The following SLC25A18 variants were observed in gnomAD, a reference collection of about 807,000 sequenced individuals.
SLC25A18 encodes the protein solute carrier family 25 member 18, also known as mitochondrial glutamate carrier 2.
A neutral mutation model predicts 31.1 loss-of-function variants in SLC25A18; 24 were observed. The observed-to-expected ratio is 0.77, with a 90% confidence interval of 0.56 to 1.08. SLC25A18 has a LOEUF of 1.08. SLC25A18 is among the 50% of genes least tolerant of loss of function. The probability of loss-of-function intolerance (pLI) is 0.00; values close to 1 mark genes in which losing one functional copy is unlikely to be tolerated. For missense variants in SLC25A18, 371 were observed against 418.5 expected (o/e 0.89, Z 0.99); for synonymous variants, 173 against 161.9 (o/e 1.07, Z -0.52).
At chr22:17,570,950 G>A (rs536062253) in intron 2 of SLC25A18, among the ~76,000 whole-genome samples, 3 of 152,356 alleles carry the variant, frequency 2.0e-5, no homozygotes, top group African/African-American at 4.8e-5. Flanking sequence ...AGGAGGTGAC[G>A]TCTGAGCTGA....
intron 10 of SLC25A18, 145 bp downstream of exon 10, chr22:17,589,810 A>G (rs1321890337): frequency 3.7e-6 from 3 of 809,950 alleles, no homozygotes; most frequent in East Asian, 5.3e-5. Flanking sequence ...CAAAGAAAAC[A>G]GAATGTACTG....
intron 2 of SLC25A18, among the ~76,000 whole-genome samples, chr22:17,578,754 G>T (rs555267656): frequency 6.6e-6 from 1 of 152,138 alleles, no homozygotes; most frequent in Non-Finnish European, 1.5e-5. Context: ...ACAAAAATTC[G>T]CCCGGTGTGG....
intron 1 of SLC25A18, among the ~76,000 whole-genome samples, chr22:17,564,317 A>G (rs114217854): frequency 0.011 from 1,608 of 152,266 alleles, 28 homozygotes; most frequent in African/African-American, 0.037. Flanking sequence ...TCATCTGGGA[A>G]CTTGCTGGAA....
At chr22:17,586,727 C>T (rs866583704) in intron 7 of SLC25A18, among the ~76,000 whole-genome samples, 3 of 152,098 alleles carry the variant, frequency 2.0e-5, no homozygotes, top group African/African-American at 7.2e-5. Context: ...TGCAGTGAGC[C>T]GAGATCGCAC....
At chr22:17,573,539 G>A (rs1019015836) in intron 2 of SLC25A18, among the ~76,000 whole-genome samples, 1 of 152,152 alleles carries the variant, frequency 6.6e-6, no homozygotes, top group African/African-American at 2.4e-5. Context: ...GGCCAGCCAC[G>A]GCAGCATGGT....
chr22:17,580,828 TC>T (rs2057351797), intron 3 of SLC25A18: 2 of 1,313,620 alleles, frequency 1.5e-6, no homozygotes, highest in Non-Finnish European at 9.7e-7. Context: ...TCCAGGGACT[TC>T]CCGGGTTGCA....
chr22:17,570,550 TGG>T (rs2057059108), intron 2 of SLC25A18, among the ~76,000 whole-genome samples: 1 of 152,250 alleles, frequency 6.6e-6, no homozygotes, highest in Non-Finnish European at 1.5e-5. Context: ...TGTGGCATGA[TGG>T]CGGCTCACCG....
Position 17,587,966 on chromosome 22 carries a change from A to T in SLC25A18, c.617A>T (p.Asn206Ile). The change falls in exon 9 of 11, where the codon AAC becomes ATC. Residue 206 changes from asparagine to isoleucine, a missense_variant. Transcript: ENST00000327451. ...FSIIYFPLFA[N>I]LNNLGFNELA... ...ATCATCTACTTCCCACTGTTTGCCA[A>T]CCTTAACAACCTGGGGTTCAACGAG... is the stretch of plus-strand genomic sequence containing the variant. 1.9e-6 allele frequency: 3 copies of T among 1,614,094 alleles called. No homozygotes were observed. Among genetic ancestry groups the T allele is most frequent in the Non-Finnish European group, 1.7e-6 (2 of 1,180,018 alleles).
intron 2 of SLC25A18, 108 bp downstream of exon 2, chr22:17,570,094 C>A: frequency 1.3e-6 from 1 of 770,640 alleles, no homozygotes; most frequent in Non-Finnish European, 1.6e-6. Flanking sequence ...GACAGGGACA[C>A]TCATCCCATT....
chr22:17,574,907 A>G (rs2057195219), intron 2 of SLC25A18, among the ~76,000 whole-genome samples: 1 of 150,418 alleles, frequency 6.6e-6, no homozygotes, highest in African/African-American at 2.5e-5. Context: ...GCTAGAGTGC[A>G]GTGGTGCGAT....
rs371516757 is a variant in SLC25A18, at chr22:17,588,025, G to T, written c.676G>T (p.Val226Leu). 1.2e-6 allele frequency: 2 copies of T among 1,614,034 alleles called. No individual in the cohort carries two copies. Among genetic ancestry groups the T allele is most frequent in the African/African-American group, 2.7e-5 (2 of 74,900 alleles). The stretch of plus-strand genomic sequence containing the variant: ...TAAGGCGTCCTTTGCACATTCCTTC[G>T]TGTCAGGCTGTGTGGCAGGTTCCAT... ...AGKASFAHSF[V>L]SGCVAGSIAA... The change falls in exon 9 of 11, where the codon GTG becomes TTG. Residue 226 changes from valine (V) to leucine (L), a missense_variant. Val to Leu is a conservative substitution (Grantham distance 32, BLOSUM62 1). Transcript: ENST00000327451.
chr22:17,584,920 GT>G (rs1037542166), intron 7 of SLC25A18, among the ~76,000 whole-genome samples: 1 of 149,410 alleles, frequency 6.7e-6, no homozygotes, highest in Non-Finnish European at 1.5e-5. Flanking sequence ...CCATTCTTTT[GT>G]TTTTTTCTTG....
chr22:17,574,769 C>A (rs889425481), intron 2 of SLC25A18, among the ~76,000 whole-genome samples: 10 of 150,348 alleles, frequency 6.7e-5, no homozygotes, highest in African/African-American at 2.2e-4. Flanking sequence ...ATCCACCCAC[C>A]CTCGGCCTCC....
At chr22:17,577,595 T>C (rs2146235051) in intron 2 of SLC25A18, among the ~76,000 whole-genome samples, 1 of 148,206 alleles carries the variant, frequency 6.7e-6, no homozygotes, top group East Asian at 2.1e-4. Context: ...TTTTTTTTTT[T>C]TTTGAGATGG....
At position 17,572,673 on chromosome 22, in the gene SLC25A18, G is replaced by A. The variant is rs1434368840; in HGVS notation, c.-201+2687G>A. Among the ~76,000 whole-genome samples, 854 of 106,018 alleles carry A rather than the reference G, an allele frequency of 8.1e-3. 13 individuals are homozygous for A. Among genetic ancestry groups the A allele is most frequent in the African/African-American group, 0.035 (800 of 22,884 alleles). 69.6% of individuals were successfully genotyped at this position (106,018 alleles called of 152,430 possible). On this transcript the variant is annotated intron_variant, in intron 2 of 10. Coordinates refer to ENST00000327451, the MANE Select transcript of SLC25A18 (RefSeq NM_031481.3). The stretch of plus-strand genomic sequence containing the variant: ...TTTTTTTTTTTTGAGACGGAGTCTC[G>A]CTTTGTCGCCCAGGCTGGAGTGCAG...
chr22:17,589,144 C>T (rs2057641142), intron 9 of SLC25A18: 1 of 154,724 alleles, frequency 6.5e-6, no homozygotes, highest in Non-Finnish European at 1.4e-5. Context: ...ACTTACAGAT[C>T]ACACAATGGC....
intron 6 of SLC25A18, 101 bp downstream of exon 6, chr22:17,582,754 G>GCA: frequency 1.6e-5 from 17 of 1,036,460 alleles, no homozygotes; most frequent in Non-Finnish European, 2.4e-5. Context: ...CTGCCTGCAT[G>GCA]CATATAAATA....
At chr22:17,572,786 C>T (rs542661213) in intron 2 of SLC25A18, among the ~76,000 whole-genome samples, 5,685 of 144,322 alleles carry the variant, frequency 0.039, 337 homozygotes, top group African/African-American at 0.15. Flanking sequence ...GGACTACAGG[C>T]GCCCGCCACC....
intron 8 of SLC25A18, 72 bp downstream of exon 8, chr22:17,587,373 C>A: frequency 6.6e-7 from 1 of 1,504,578 alleles, no homozygotes; most frequent in South Asian, 1.3e-5. Flanking sequence ...CTGGTTGTCC[C>A]TATCTGCCTC....
Sources: allele counts gnomAD v4.1 joint callset (sites outside exome capture counted in the v4.1 genomes callset), GRCh38; gene constraint gnomAD v4.1.1; transcripts MANE v1.5; gene names NCBI Gene and HGNC (gene_info 2026-07-23, HGNC 2026-07-21).